The following GCA variants were observed in gnomAD, a reference collection of about 807,000 sequenced individuals.
The protein encoded by GCA is grancalcin, EF-hand calcium-binding protein.
GCA carries 30 observed loss-of-function variants against 32.6 expected under a neutral mutation model. The observed-to-expected ratio is 0.92, with a 90% confidence interval of 0.69 to 1.25. GCA has a LOEUF of 1.25. Among genes scored for constraint, GCA ranks in the 50% most tolerant of loss-of-function variants. GCA has a pLI of 0.00. For missense variants in GCA, 291 were observed against 266.8 expected, an observed-to-expected ratio of 1.09 and a Z score of -0.63; for synonymous variants, 102 against 84.6, an observed-to-expected ratio of 1.21 and a Z score of -1.13.
In GCA at chr2:162,371,251, T is replaced by C. The variant is rs142471194; in HGVS notation, c.366-55T>C. The C allele has an allele frequency of 7.8e-4, 714 of 917,408 alleles. 2 individuals carry two copies. The African/African-American group carries it at 0.011, about 14-fold the overall frequency. 56.8% of individuals were successfully genotyped at this position (917,408 alleles called of 1,614,324 possible). On this transcript the variant is annotated intron_variant, in intron 4 of 4. Coordinates refer to the GCA transcript ENST00000414723. ...TTGGCCTATGTTTAGTTTTTGGATA[T>C]GGCTTCCTATACTGTCAGAGGTTTA...
chr2:162,347,338 C>T (rs978945817), intron 1 of GCA, among the ~76,000 whole-genome samples: 10 of 152,046 alleles, frequency 6.6e-5, no homozygotes, highest in African/African-American at 2.4e-4. Flanking sequence ...TTCTTAGAGG[C>T]TAGTAACTTT....
At chr2:162,329,304 T>C (rs966286836) in intron 1 of GCA, among the ~76,000 whole-genome samples, 8 of 152,176 alleles carry the variant, frequency 5.3e-5, no homozygotes, top group Non-Finnish European at 1.0e-4. Context: ...TATATCTATA[T>C]TATAATTGAA....
At chr2:162,343,634 C>CA (rs1684521408), upstream of GCA, among the ~76,000 whole-genome samples, 1 of 152,206 alleles carries the variant, frequency 6.6e-6, no homozygotes, top group Non-Finnish European at 1.5e-5. Context: ...AGAAGCACTC[C>CA]TCCTGGACCA....
upstream of GCA, among the ~76,000 whole-genome samples, chr2:162,342,812 A>G (rs1201891672): frequency 6.6e-6 from 1 of 152,214 alleles, no homozygotes; most frequent in African/African-American, 2.4e-5. Flanking sequence ...GTTGGAATAA[A>G]ATTTTGCAAT....
In GCA at chr2:162,347,646, T is replaced by C. The variant is rs1384575585; in HGVS notation, c.96T>C (p.Ala32=). ...AGCCAGTGCCAGAAACAGGCCCAGC[T>C]ATACTCCTCGATGGATACTCTGGGC... ...MGQPVPETGP[A]ILLDGYSGPA... is the part of the protein sequence containing the mutation. Residue 32 remains alanine, a synonymous_variant, in exon 2 of 8, where the codon GCT becomes GCC. Transcript: ENST00000437150. The C allele has an allele frequency of 3.1e-6, 5 of 1,611,162 alleles. No homozygotes were observed. Among genetic ancestry groups the C allele is most frequent in the Non-Finnish European group, 4.2e-6 (5 of 1,177,780 alleles).
chr2:162,335,729 C>A (rs931421687), intron 1 of GCA, among the ~76,000 whole-genome samples: 2 of 152,194 alleles, frequency 1.3e-5, no homozygotes, highest in African/African-American at 2.4e-5. Context: ...GGAGTATCCC[C>A]ATTTTGCAAA....
At chr2:162,354,282 G>C (rs899426203) in intron 3 of GCA, among the ~76,000 whole-genome samples, 1 of 152,152 alleles carries the variant, frequency 6.6e-6, no homozygotes, top group African/African-American at 2.4e-5. Context: ...TTTTGTCTTG[G>C]AACTCTGGGT....
chr2:162,354,717 C>G (rs1419017194), intron 3 of GCA, among the ~76,000 whole-genome samples: 3 of 152,308 alleles, frequency 2.0e-5, no homozygotes, highest in East Asian at 3.9e-4. Flanking sequence ...TTTCTCAGAT[C>G]TAGGTTGGTT....
At chr2:162,333,954 G>T (rs1338238384) in intron 1 of GCA, among the ~76,000 whole-genome samples, 2 of 152,186 alleles carry the variant, frequency 1.3e-5, no homozygotes, top group Non-Finnish European at 2.9e-5. Flanking sequence ...GTTCTCAGAT[G>T]AGGCCAATTA....
chr2:162,338,624 G>A (rs1407308182), intron 1 of GCA, among the ~76,000 whole-genome samples: 1 of 152,094 alleles, frequency 6.6e-6, no homozygotes, highest in Non-Finnish European at 1.5e-5. Flanking sequence ...GCAGCTTTGT[G>A]GGTATATCAT....
chr2:162,344,378 T>G (rs905348274), intron 1 of GCA, 103 bp downstream of exon 1: 1 of 1,125,490 alleles, frequency 8.9e-7, no homozygotes, highest in African/African-American at 1.5e-5. Context: ...GCTCCCTGCG[T>G]CCGCGCCTGG....
downstream of GCA, among the ~76,000 whole-genome samples, chr2:162,364,296 A>G (rs1685683307): frequency 6.6e-6 from 1 of 151,494 alleles, no homozygotes. Flanking sequence ...CCAGAAACAT[A>G]CTTATTAAAT....
At chr2:162,349,099 A>C (rs1684859152) in intron 2 of GCA, among the ~76,000 whole-genome samples, 1 of 151,830 alleles carries the variant, frequency 6.6e-6, no homozygotes, top group Non-Finnish European at 1.5e-5. Context: ...ATTATTAATA[A>C]TTGTGATAGT....
intron 3 of GCA, among the ~76,000 whole-genome samples, chr2:162,353,328 C>T (rs1685096374): frequency 6.6e-6 from 1 of 152,102 alleles, no homozygotes; most frequent in East Asian, 1.9e-4. Context: ...ATTAACTGGG[C>T]GTGGTGGCAC....
At chr2:162,359,768 T>A (rs1685479705) in intron 7 of GCA, among the ~76,000 whole-genome samples, 2 of 151,218 alleles carry the variant, frequency 1.3e-5, no homozygotes, top group South Asian at 4.1e-4. Context: ...CTTTTCAATT[T>A]TTATGACAGG....
chr2:162,372,502 ATAATAT>A (rs1476051350), downstream of GCA, among the ~76,000 whole-genome samples: 1 of 152,174 alleles, frequency 6.6e-6, no homozygotes, highest in Non-Finnish European at 1.5e-5. Flanking sequence ...CCCTAGTCAG[ATAATAT>A]TACCTAAATC....
chr2:162,364,054 GATC>G (rs1396191459), downstream of GCA, among the ~76,000 whole-genome samples: 1 of 151,436 alleles, frequency 6.6e-6, no homozygotes, highest in African/African-American at 2.4e-5. Flanking sequence ...AATTGGCCTA[GATC>G]ATCATTTAAT....
At chr2:162,360,176 C>A (rs746720719) in intron 7 of GCA, 41 bp from the exon 8 acceptor site, 1 of 1,212,256 alleles carries the variant, frequency 8.2e-7, no homozygotes, top group Non-Finnish European at 1.2e-6. Context: ...AATTAAAAAC[C>A]ATTTTATTCT....
At chr2:162,372,141 G>T (rs372950827), downstream of GCA, 76 of 1,437,130 alleles carry the variant, frequency 5.3e-5, no homozygotes, top group Non-Finnish European at 6.0e-5. Flanking sequence ...CACATTGATA[G>T]ATAGTCATTG....
Sources: gnomAD v4.1 joint callset for allele counts (sites outside exome capture counted in the v4.1 genomes callset) on GRCh38, gnomAD v4.1.1 for gene constraint, MANE v1.5 for transcripts, NCBI Gene and HGNC (gene_info 2026-07-23, HGNC 2026-07-21) for gene names.